The following OPN5 variants were observed in gnomAD, a reference collection of about 807,000 sequenced individuals.
OPN5 encodes opsin 5, also known as opsin-5.
In OPN5, 18 loss-of-function variants were observed where a neutral mutation model predicts 41.7. The observed-to-expected ratio is 0.43, with a 90% confidence interval of 0.30 to 0.64. The LOEUF (loss-of-function observed/expected upper bound fraction) is 0.64. Among genes scored for constraint, OPN5 ranks in the 30% least tolerant of loss-of-function variants. The probability of loss-of-function intolerance (pLI) is 0.13; values close to 1 mark genes in which losing one functional copy is unlikely to be tolerated. For synonymous variants in OPN5, 178 were observed against 164.3 expected (o/e 1.08, Z -0.64); for missense variants, 318 against 434.5 (o/e 0.73, Z 2.38).
At chr6:47,815,092 A>T (rs1354108693) in intron 6 of OPN5, among the ~76,000 whole-genome samples, 1 of 152,172 alleles carries the variant, frequency 6.6e-6, no homozygotes, top group Non-Finnish European at 1.5e-5. Context: ...CTAACTTGAA[A>T]AGTTGGATTT....
chr6:47,805,104 A>T (rs913716292), intron 4 of OPN5, among the ~76,000 whole-genome samples: 1 of 152,202 alleles, frequency 6.6e-6, no homozygotes, highest in East Asian at 1.9e-4. Flanking sequence ...GTTAGTGTTT[A>T]TTTGGGGATT....
rs373118945 is a variant in OPN5, at chr6:47,823,965, A to T, written c.1057-18A>T. On this transcript the variant is annotated intron_variant, in intron 6 of 6. Coordinates refer to ENST00000371211, the Ensembl canonical transcript of OPN5. ...GCTGTGTGCCTCACCCTAAAACTCAATTTTTTCTTCTCTACAGTGGGAATA... is the reference window on the plus strand; with the variant it reads ...GCTGTGTGCCTCACCCTAAAACTCATTTTTTTCTTCTCTACAGTGGGAATA... The T allele has an allele frequency of 9.0e-6, 14 of 1,548,666 alleles. No homozygotes were observed. Among genetic ancestry groups the T allele is most frequent in the African/African-American group, 1.4e-5 (1 of 72,918 alleles).
intron 6 of OPN5, among the ~76,000 whole-genome samples, chr6:47,815,584 A>T (rs763707777): frequency 6.6e-6 from 1 of 152,150 alleles, no homozygotes; most frequent in Non-Finnish European, 1.5e-5. Context: ...TTGGTTCAAT[A>T]ACTAATTTTA....
At chr6:47,808,017 T>A (rs946734121) in intron 4 of OPN5, 137 bp from the exon 5 acceptor site, 2 of 804,872 alleles carry the variant, frequency 2.5e-6, no homozygotes, top group East Asian at 2.4e-5. Flanking sequence ...ATGATTCCTA[T>A]GTACAAAGTA....
intron 4 of OPN5, among the ~76,000 whole-genome samples, chr6:47,807,050 G>A (rs1340817436): frequency 6.6e-6 from 1 of 152,154 alleles, no homozygotes; most frequent in Non-Finnish European, 1.5e-5. Flanking sequence ...CCAGCTACTT[G>A]GGAGGCTGAG....
At chr6:47,802,850 T>C (rs1773827554) in intron 4 of OPN5, among the ~76,000 whole-genome samples, 1 of 152,228 alleles carries the variant, frequency 6.6e-6, no homozygotes, top group African/African-American at 2.4e-5. Flanking sequence ...CCTAATTTAC[T>C]GCCTCTCTTT....
At chr6:47,803,403 G>C (rs2113977445) in intron 4 of OPN5, among the ~76,000 whole-genome samples, 1 of 152,210 alleles carries the variant, frequency 6.6e-6, no homozygotes, top group East Asian at 1.9e-4. Context: ...AATCTAGCTA[G>C]ATCCAAGCTA....
chr6:47,790,219 A>C (rs1463398411), intron 2 of OPN5, among the ~76,000 whole-genome samples: 2 of 152,308 alleles, frequency 1.3e-5, no homozygotes, highest in African/African-American at 4.8e-5. Context: ...TTCCTAAACA[A>C]TTTTTTTAAA....
intron 6 of OPN5, among the ~76,000 whole-genome samples, chr6:47,820,242 T>G (rs551083015): frequency 1.3e-5 from 2 of 152,260 alleles, no homozygotes; most frequent in Admixed American, 6.5e-5. Context: ...CTGCTCTACT[T>G]TTTTACTTGT....
chr6:47,786,713 C>T (rs1773204144), intron 2 of OPN5, 79 bp downstream of exon 2: 3 of 1,224,560 alleles, frequency 2.4e-6, no homozygotes, highest in African/African-American at 1.5e-5. Context: ...CAAACGTCAC[C>T]CCCTGACATC....
At chr6:47,813,475 G>A (rs1486129404) in intron 6 of OPN5, among the ~76,000 whole-genome samples, 1 of 152,154 alleles carries the variant, frequency 6.6e-6, no homozygotes, top group Non-Finnish European at 1.5e-5. Flanking sequence ...GAGTGGTGGT[G>A]GTCAGAAGTG....
chr6:47,813,492 A>T (rs1280592313), intron 6 of OPN5, among the ~76,000 whole-genome samples: 1 of 152,166 alleles, frequency 6.6e-6, no homozygotes, highest in African/African-American at 2.4e-5. Flanking sequence ...AGTGGAGCTG[A>T]GAGTGGTAGT....
At chr6:47,823,995 A>G (rs1027894361) in exon 7 of OPN5, 9 of 1,549,952 alleles carry the variant, frequency 5.8e-6, no homozygotes, top group African/African-American at 2.7e-5. Flanking sequence ...GGAATAACAA[A>G]TGTTCTGGTT....
At chr6:47,788,619 G>T (rs962136337) in intron 2 of OPN5, among the ~76,000 whole-genome samples, 86 of 151,830 alleles carry the variant, frequency 5.7e-4, no homozygotes, top group African/African-American at 2.1e-3. Flanking sequence ...TTAAAACTTT[G>T]CCTGCTTTAT....
intron 4 of OPN5, among the ~76,000 whole-genome samples, chr6:47,803,727 T>G (rs1005396916): frequency 6.6e-6 from 1 of 152,194 alleles, no homozygotes; most frequent in Non-Finnish European, 1.5e-5. Flanking sequence ...TTAGCTGAAG[T>G]CTTATTTGCA....
chr6:47,792,438 A>T (rs1340034636), intron 3 of OPN5, among the ~76,000 whole-genome samples: 3 of 152,218 alleles, frequency 2.0e-5, no homozygotes, highest in Admixed American at 6.5e-5. Flanking sequence ...AGTTAGAGTC[A>T]TGTAGCTGTT....
At chr6:47,808,861 C>A (rs1561901381) in intron 5 of OPN5, among the ~76,000 whole-genome samples, 1 of 152,120 alleles carries the variant, frequency 6.6e-6, no homozygotes, top group African/African-American at 2.4e-5. Flanking sequence ...TGCTCTGTGC[C>A]AGATTTCTTT....
intron 6 of OPN5, among the ~76,000 whole-genome samples, chr6:47,817,604 C>T (rs1384891436): frequency 1.3e-5 from 2 of 152,092 alleles, no homozygotes; most frequent in African/African-American, 4.8e-5. Context: ...CCATGCCTGA[C>T]CTACTACTGA....
intron 2 of OPN5, 45 bp downstream of exon 2, chr6:47,786,679 C>CGT (rs1773202747): frequency 6.3e-7 from 1 of 1,582,534 alleles, no homozygotes; most frequent in Admixed American, 1.7e-5. Context: ...TAAACTACTC[C>CGT]CCATTCTAAA....
Sources: gnomAD v4.1 joint callset for allele counts (sites outside exome capture counted in the v4.1 genomes callset) on GRCh38, gnomAD v4.1.1 for gene constraint, MANE v1.5 for transcripts, NCBI Gene and HGNC (gene_info 2026-07-23, HGNC 2026-07-21) for gene names.